Variants in PSD3 observed in about 807,000 individuals in gnomAD.
PSD3 encodes pleckstrin and Sec7 domain containing 3.
A neutral mutation model predicts 105.5 loss-of-function variants in PSD3; 49 were observed. That is an observed-to-expected ratio of 0.46 (90% CI 0.37 to 0.59). The LOEUF (loss-of-function observed/expected upper bound fraction) is 0.59. Among genes scored for constraint, PSD3 ranks in the 20% least tolerant of loss-of-function variants. PSD3 has a pLI of 0.00. For synonymous variants in PSD3, 557 were observed against 457.8 expected, an observed-to-expected ratio of 1.22 and a Z score of -2.77; for missense variants, 1,561 against 1,263.8, an observed-to-expected ratio of 1.24 and a Z score of -3.57.
At chr8:18,912,870 A>G (rs1467747721) in intron 2 of PSD3, among the ~76,000 whole-genome samples, 2 of 152,068 alleles carry the variant, frequency 1.3e-5, no homozygotes, top group African/African-American at 4.8e-5. Context: ...TACACCCTAA[A>G]TTTTAGCTTG....
chr8:18,573,956 C>T (rs1802321624), intron 13 of PSD3, among the ~76,000 whole-genome samples: 1 of 152,082 alleles, frequency 6.6e-6, no homozygotes, highest in African/African-American at 2.4e-5. Context: ...AAGCATACCT[C>T]AATAAGACTA....
At chr8:18,894,289 G>A (rs1028306251) in intron 2 of PSD3, among the ~76,000 whole-genome samples, 3 of 152,122 alleles carry the variant, frequency 2.0e-5, no homozygotes, top group East Asian at 1.9e-4. Flanking sequence ...CTTACTTCAC[G>A]GGTTTTTGTA....
chr8:18,970,170 A>G (rs1050431657), intron 1 of PSD3, among the ~76,000 whole-genome samples: 3 of 151,378 alleles, frequency 2.0e-5, no homozygotes, highest in Non-Finnish European at 4.4e-5. Context: ...CTAAAAATAC[A>G]AAAAATTAGC....
chr8:19,056,495 G>A (rs1218590890), intron 1 of PSD3, among the ~76,000 whole-genome samples: 1 of 152,228 alleles, frequency 6.6e-6, no homozygotes, highest in Non-Finnish European at 1.5e-5. Context: ...CATGAAAAAT[G>A]CATGGGCAAA....
chr8:18,999,758 A>G (rs909025763), intron 1 of PSD3, among the ~76,000 whole-genome samples: 1 of 151,698 alleles, frequency 6.6e-6, no homozygotes, highest in Non-Finnish European at 1.5e-5. Context: ...CAAGTTTTTT[A>G]AAAAATGGAA....
chr8:19,002,668 C>T (rs1826466278), intron 1 of PSD3, among the ~76,000 whole-genome samples: 1 of 151,972 alleles, frequency 6.6e-6, no homozygotes, highest in Admixed American at 6.6e-5. Flanking sequence ...TCGTATAATA[C>T]CTAATACAAT....
chr8:18,593,442 T>C (rs1344861844), intron 12 of PSD3, among the ~76,000 whole-genome samples: 4 of 152,086 alleles, frequency 2.6e-5, no homozygotes, highest in Non-Finnish European at 2.9e-5. Flanking sequence ...TCACACCAGT[T>C]AGAACGGCGA....
chr8:19,079,947 T>C (rs1038918909), intron 1 of PSD3, among the ~76,000 whole-genome samples: 1 of 149,588 alleles, frequency 6.7e-6, no homozygotes, highest in Non-Finnish European at 1.5e-5. Context: ...TGGAGTGCAG[T>C]GGTGCAATCT....
At chr8:18,736,254 A>C (rs1167155945) in intron 9 of PSD3, among the ~76,000 whole-genome samples, 1 of 152,206 alleles carries the variant, frequency 6.6e-6, no homozygotes, top group Non-Finnish European at 1.5e-5. Flanking sequence ...GTGAAATTGA[A>C]GGCAAGACAC....
At chr8:18,880,112 CTG>C (rs888628507) in intron 2 of PSD3, among the ~76,000 whole-genome samples, 47 of 152,248 alleles carry the variant, frequency 3.1e-4, no homozygotes, top group African/African-American at 1.1e-3. Context: ...CACAACTTGA[CTG>C]TGTTGTTAAT....
intron 9 of PSD3, among the ~76,000 whole-genome samples, chr8:18,663,572 T>C (rs766845923): frequency 4.6e-5 from 7 of 152,156 alleles, no homozygotes; most frequent in Non-Finnish European, 1.0e-4. Context: ...ATAAGATGTA[T>C]TCAAACACAG....
At chr8:18,910,637 T>TAAAAAAAAAAA (rs34392783) in intron 2 of PSD3, among the ~76,000 whole-genome samples, 5 of 97,112 alleles carry the variant, frequency 5.1e-5, no homozygotes, top group Non-Finnish European at 8.2e-5. Flanking sequence ...TAGAGTATAA[T>TAAAAAAAAAAA]AAAAAAAAAA....
intron 15 of PSD3, among the ~76,000 whole-genome samples, chr8:18,536,718 C>T (rs189058165): frequency 6.6e-6 from 1 of 152,014 alleles, no homozygotes; most frequent in African/African-American, 2.4e-5. Context: ...TCTTGGATAT[C>T]TAAGATTTTT....
At chr8:18,575,388 T>G (rs953658581) in intron 12 of PSD3, 103 bp from the exon 13 acceptor site, 11 of 1,101,858 alleles carry the variant, frequency 1.0e-5, no homozygotes, top group Middle Eastern at 2.4e-4. Flanking sequence ...GAAATCCAAG[T>G]AAGTGAATGA....
chr8:18,749,781 G>A (rs531862986), intron 9 of PSD3, among the ~76,000 whole-genome samples: 1 of 152,258 alleles, frequency 6.6e-6, no homozygotes, highest in South Asian at 2.1e-4. Flanking sequence ...AATGGAGGTA[G>A]CGGACCACAC....
At chr8:18,689,212 C>G (rs1221959880) in intron 9 of PSD3, among the ~76,000 whole-genome samples, 4 of 152,110 alleles carry the variant, frequency 2.6e-5, no homozygotes, top group Non-Finnish European at 5.9e-5. Flanking sequence ...CCATCAGGCC[C>G]CTAACTTTGA....
At chr8:18,584,974 T>C (rs900756712) in intron 12 of PSD3, among the ~76,000 whole-genome samples, 17 of 152,108 alleles carry the variant, frequency 1.1e-4, no homozygotes, top group African/African-American at 4.1e-4. Flanking sequence ...AGAAGACAAG[T>C]ATGTAGAAGT....
intron 9 of PSD3, among the ~76,000 whole-genome samples, chr8:18,741,036 T>A (rs1804532124): frequency 6.6e-6 from 1 of 152,212 alleles, no homozygotes; most frequent in African/African-American, 2.4e-5. Context: ...AAAGGAAATA[T>A]CTAAAGATTT....
intron 3 of PSD3, among the ~76,000 whole-genome samples, chr8:18,869,351 G>A (rs1817172631): frequency 6.6e-6 from 1 of 152,020 alleles, no homozygotes; most frequent in African/African-American, 2.4e-5. Flanking sequence ...CACAACGCCT[G>A]GCTAATTTTG....
Sources: gnomAD v4.1 joint callset for allele counts (sites outside exome capture counted in the v4.1 genomes callset) on GRCh38, gnomAD v4.1.1 for gene constraint, MANE v1.5 for transcripts, NCBI Gene and HGNC (gene_info 2026-07-23, HGNC 2026-07-21) for gene names.